The following MS4A1 variants were observed in gnomAD, a reference collection of about 807,000 sequenced individuals.
The protein encoded by MS4A1 is membrane spanning 4-domains A1, also known as B-lymphocyte antigen CD20.
MS4A1 carries 16 observed loss-of-function variants against 26.5 expected under a neutral mutation model. The ratio of observed to expected loss-of-function variants is 0.60; its 90% CI spans 0.41 to 0.92. MS4A1 has a LOEUF of 0.92. Among genes scored for constraint, MS4A1 ranks in the 40% least tolerant of loss-of-function variants. MS4A1 has a pLI of 0.00. For missense variants in MS4A1, 350 were observed against 353.0 expected (o/e 0.99, Z 0.07); for synonymous variants, 128 against 117.6 (o/e 1.09, Z -0.57).
chr11:60,458,390 G>A (rs1294103877), intron 1 of MS4A1, among the ~76,000 whole-genome samples: 1 of 152,204 alleles, frequency 6.6e-6, no homozygotes, highest in Non-Finnish European at 1.5e-5. Flanking sequence ...CATAAAGGCT[G>A]TGAGATCTTA....
chr11:60,468,113 T>G (rs2086309933), intron 7 of MS4A1, 137 bp from the exon 8 acceptor site: 1 of 732,858 alleles, frequency 1.4e-6, no homozygotes, highest in Non-Finnish European at 2.3e-6. Context: ...GCAAAAAAAT[T>G]TTGGCATTTA....
intron 3 of MS4A1, 38 bp from the exon 4 acceptor site, chr11:60,462,964 T>C (rs2086260668): frequency 1.2e-6 from 2 of 1,611,156 alleles, no homozygotes; most frequent in Non-Finnish European, 1.7e-6. Flanking sequence ...GCAGTGATGA[T>C]TTCAGCTCAT....
intron 4 of MS4A1, 112 bp downstream of exon 4, chr11:60,463,233 ATAT>A: frequency 2.0e-6 from 3 of 1,472,330 alleles, no homozygotes; most frequent in Non-Finnish European, 2.8e-6. Context: ...TGAGTAGGAA[ATAT>A]TATTGGGTTA....
intron 2 of MS4A1, 104 bp from the exon 3 acceptor site, chr11:60,462,081 T>G: frequency 1.2e-5 from 6 of 481,630 alleles, no homozygotes. Context: ...CAAGGTGTCC[T>G]CTACAAAGAT....
chr11:60,460,648 A>AT (rs1325645420), intron 1 of MS4A1, among the ~76,000 whole-genome samples: 1 of 152,186 alleles, frequency 6.6e-6, no homozygotes, highest in African/African-American at 2.4e-5. Context: ...CAAAAGAGGG[A>AT]TTTTCAGATT....
chr11:60,459,378 G>C (rs1590842833), intron 1 of MS4A1, among the ~76,000 whole-genome samples: 1 of 152,218 alleles, frequency 6.6e-6, no homozygotes, highest in African/African-American at 2.4e-5. Flanking sequence ...CTAGTATATA[G>C]TAGGTGCTCA....
chr11:60,457,716 C>G (rs1012794561), intron 1 of MS4A1, among the ~76,000 whole-genome samples: 8 of 152,238 alleles, frequency 5.3e-5, no homozygotes, highest in African/African-American at 1.9e-4. Flanking sequence ...GAGAAAAGAC[C>G]ACTGACTTCA....
At chr11:60,460,623 GC>G (rs1471445942) in intron 1 of MS4A1, among the ~76,000 whole-genome samples, 4 of 152,148 alleles carry the variant, frequency 2.6e-5, no homozygotes, top group Non-Finnish European at 5.9e-5. Context: ...AAAGACAAGA[GC>G]AAAGATGTGT....
Position 60,468,581 on chromosome 11 carries a change from T to C in MS4A1, c.*113T>C. Reference sequence around the variant, plus strand: ...TCTGCACATACGCACCACATCTCTATCTGGCCTTTGCATGGAGTGACCATA... The same window carrying C: ...TCTGCACATACGCACCACATCTCTACCTGGCCTTTGCATGGAGTGACCATA... On this transcript the variant is annotated 3_prime_UTR_variant, in exon 8 of 8. Transcript: ENST00000345732. 2.1e-6 allele frequency: 2 copies of C among 960,618 alleles called. No individual in the cohort carries two copies. The highest frequency in any genetic ancestry group is 1.4e-5 in the South Asian group (1 of 71,372). The allele number at this position is 960,618 out of a possible 1,614,324, so 59.5% of individuals were successfully genotyped here.
intron 7 of MS4A1, 112 bp downstream of exon 7, chr11:60,467,172 A>T: frequency 1.1e-6 from 1 of 897,684 alleles, no homozygotes; most frequent in Non-Finnish European, 1.8e-6. Context: ...GCTTGATTTA[A>T]AAAAAAAAAT....
rs760788550 is a variant in MS4A1, at chr11:60,462,255, C to G, written c.-120C>G. ...GGCCATGTCTACCCTCAATGACACT[C>G]ATGGAGGAAATGCTGAGAGAAGCAT... is the stretch of plus-strand genomic sequence containing the variant. On this transcript the variant is annotated 5_prime_UTR_variant, in exon 3 of 8. Transcript: ENST00000345732. 9.2e-7 allele frequency: 1 copy of G among 1,084,758 alleles called. No homozygotes were observed. Among genetic ancestry groups the G allele is most frequent in the Non-Finnish European group, 1.4e-6 (1 of 715,580 alleles). 67.2% of individuals were successfully genotyped at this position (1,084,758 alleles called of 1,614,324 possible).
intron 6 of MS4A1, 121 bp downstream of exon 6, chr11:60,466,278 C>G: frequency 1.2e-6 from 1 of 855,216 alleles, no homozygotes; most frequent in Non-Finnish European, 2.0e-6. Context: ...GTCTGTGTGG[C>G]TTTGGGAAAG....
intron 6 of MS4A1, 48 bp downstream of exon 6, chr11:60,466,205 A>G: frequency 7.1e-7 from 1 of 1,413,488 alleles, no homozygotes. Flanking sequence ...CCAGGGAGGA[A>G]GGATGACTTG....
Position 60,468,426 on chromosome 11 carries a change from AG to A in MS4A1, c.853del (p.Asp285IlefsTer7). On this transcript the variant is annotated frameshift_variant, in exon 8 of 8. Transcript: ENST00000345732. LOFTEE classifies it high-confidence loss of function. ...TETNFPEPPQ[D>X]QESSPIENDS... ...AGACGAACTTTCCAGAACCTCCCCA[AG>A]ATCAGGAATCCTCACCAATAGAAAA... 6.2e-7 allele frequency: 1 copy of A among 1,614,212 alleles called. No individual in the cohort carries two copies. Among genetic ancestry groups the A allele is most frequent in the Non-Finnish European group, 8.5e-7 (1 of 1,180,020 alleles).
At chr11:60,463,419 T>C (rs1423185644) in intron 4 of MS4A1, among the ~76,000 whole-genome samples, 2 of 152,144 alleles carry the variant, frequency 1.3e-5, no homozygotes, top group Non-Finnish European at 2.9e-5. Context: ...CCTAGACATT[T>C]AGACTAGATA....
chr11:60,459,489 T>G (rs2135193699), intron 1 of MS4A1, among the ~76,000 whole-genome samples: 1 of 152,322 alleles, frequency 6.6e-6, no homozygotes, highest in African/African-American at 2.4e-5. Flanking sequence ...TGTTGCTAAC[T>G]GTGAGGTCTT....
At chr11:60,462,051 A>G (rs2086252149) in intron 2 of MS4A1, 134 bp from the exon 3 acceptor site, 1 of 409,244 alleles carries the variant, frequency 2.4e-6, no homozygotes, top group African/African-American at 2.0e-5. Flanking sequence ...AGAAACAAAG[A>G]GGACATGCAG....
intron 2 of MS4A1, among the ~76,000 whole-genome samples, chr11:60,461,981 G>A (rs1408896781): frequency 6.6e-6 from 1 of 152,168 alleles, no homozygotes; most frequent in East Asian, 1.9e-4. Flanking sequence ...AAAGGACAAG[G>A]ACAAGTCCAT....
chr11:60,457,601 A>G (rs1374613455), intron 1 of MS4A1, among the ~76,000 whole-genome samples: 3 of 152,208 alleles, frequency 2.0e-5, no homozygotes, highest in Admixed American at 6.5e-5. Context: ...AACAGCCAAG[A>G]TGAAGATGGA....
Sources: allele counts gnomAD v4.1 joint callset (sites outside exome capture counted in the v4.1 genomes callset), GRCh38; gene constraint gnomAD v4.1.1; transcripts MANE v1.5; gene names NCBI Gene and HGNC (gene_info 2026-07-23, HGNC 2026-07-21).